The following BCAS3 variants were observed in gnomAD, a reference collection of about 807,000 sequenced individuals.
BCAS3 encodes the protein BCAS3 microtubule associated cell migration factor.
A neutral mutation model predicts 116.1 loss-of-function variants in BCAS3; 53 were observed. The ratio of observed to expected loss-of-function variants is 0.46; its 90% CI spans 0.37 to 0.57. BCAS3 has a LOEUF of 0.57. BCAS3 is among the 20% of genes least tolerant of loss of function. BCAS3 has a pLI of 0.00. For synonymous variants in BCAS3, 391 were observed against 408.2 expected (o/e 0.96, Z 0.51); for missense variants, 917 against 1,165.4 (o/e 0.79, Z 3.10).
At chr17:60,721,473 A>G (rs1598292906) in intron 5 of BCAS3, among the ~76,000 whole-genome samples, 1 of 152,348 alleles carries the variant, frequency 6.6e-6, no homozygotes, top group South Asian at 2.1e-4. Context: ...GTATCACTCC[A>G]GAGAACTCTT....
chr17:61,328,842 C>G (rs2055951825), intron 22 of BCAS3, among the ~76,000 whole-genome samples: 1 of 151,790 alleles, frequency 6.6e-6, no homozygotes. Flanking sequence ...TTACAGGTAG[C>G]CATCGTCTTT....
chr17:60,857,100 T>C (rs1368545322), intron 7 of BCAS3, among the ~76,000 whole-genome samples: 1 of 152,192 alleles, frequency 6.6e-6, no homozygotes, highest in African/African-American at 2.4e-5. Flanking sequence ...ACAAGTTACT[T>C]ACATAAAGAA....
chr17:61,100,928 G>C (rs549705395), intron 22 of BCAS3, among the ~76,000 whole-genome samples: 1 of 152,072 alleles, frequency 6.6e-6, no homozygotes, highest in Non-Finnish European at 1.5e-5. Context: ...CTTGTCTACT[G>C]TCACAGAGCT....
rs550901945 is a variant in BCAS3 at position 61,045,308 on chromosome 17, A to G, written c.2029+4416A>G. ...AAGATTGTTTGTGGCCAGAAGTTCA[A>G]GACCATCCTGGGCAACATAGAGAGA... On this transcript the variant is annotated intron_variant, in intron 19 of 23. Coordinates refer to ENST00000407086, the MANE Select transcript of BCAS3 (RefSeq NM_017679.5). Among the ~76,000 whole-genome samples the G allele has an allele frequency of 8.6e-5, 13 of 151,692 alleles. No homozygotes were observed. The South Asian group carries it at 2.5e-3, about 29-fold the overall frequency.
chr17:60,743,496 T>G (rs2041772460), intron 5 of BCAS3, among the ~76,000 whole-genome samples: 1 of 150,616 alleles, frequency 6.6e-6, no homozygotes, highest in Non-Finnish European at 1.5e-5. Context: ...TTGTTACCTC[T>G]TGATAAAGTT....
intron 10 of BCAS3, among the ~76,000 whole-genome samples, chr17:60,899,558 C>T (rs947225718): frequency 1.3e-5 from 2 of 152,004 alleles, no homozygotes; most frequent in Non-Finnish European, 2.9e-5. Flanking sequence ...AGTGCAGTGG[C>T]GCAATCTTGG....
At chr17:60,823,833 G>C (rs2050160203) in intron 7 of BCAS3, among the ~76,000 whole-genome samples, 1 of 152,092 alleles carries the variant, frequency 6.6e-6, no homozygotes, top group Non-Finnish European at 1.5e-5. Flanking sequence ...TTTTCACACA[G>C]AGATTTTTCT....
rs1176476320 is a variant in BCAS3, at chr17:61,279,360, G to T, written c.2426-88967G>T. ...CACACCTAATAGAACAGAAGCTCTC[G>T]CTTCTTTCTTCTCTTTCCATCAGTC... On this transcript the variant is annotated intron_variant, in intron 22 of 23. Transcript: ENST00000407086. The surrounding 1 kb of genome is among the most constrained non-coding windows in gnomAD (Gnocchi z 4.4). 6.6e-6 allele frequency among the ~76,000 whole-genome samples: 1 copy of T among 151,790 alleles called. No individual in the cohort carries two copies. The highest frequency in any genetic ancestry group is 1.5e-5 in the Non-Finnish European group (1 of 67,976).
At chr17:61,055,616 A>G (rs944857978) in intron 19 of BCAS3, among the ~76,000 whole-genome samples, 6 of 152,206 alleles carry the variant, frequency 3.9e-5, no homozygotes, top group African/African-American at 1.4e-4. Flanking sequence ...CAGACACATG[A>G]AACAATGGGA....
At chr17:60,731,348 G>T (rs1026937737) in intron 5 of BCAS3, among the ~76,000 whole-genome samples, 6 of 152,200 alleles carry the variant, frequency 3.9e-5, no homozygotes, top group African/African-American at 1.2e-4. Flanking sequence ...AAGTAGCTGG[G>T]ATTACAGGCG....
chr17:60,727,174 G>C, intron 5 of BCAS3: 2 of 768,326 alleles, frequency 2.6e-6, no homozygotes, highest in Non-Finnish European at 4.2e-6. Context: ...TTTAGAACTG[G>C]ATCTCTTGGC....
chr17:60,689,783 G>T, intron 4 of BCAS3, 22 bp downstream of exon 4: 1 of 1,519,240 alleles, frequency 6.6e-7, no homozygotes, highest in South Asian at 1.1e-5. Context: ...ACTTTTTTTG[G>T]GACGTGTGAA....
rs184793027 is a variant in BCAS3 at position 60,810,859 on chromosome 17, G to A, written c.476+2783G>A. 6.8e-5 allele frequency: 48 copies of A among 703,764 alleles called. No individual in the cohort carries two copies. The African/African-American group carries it at 7.1e-4, about 10-fold the overall frequency. The allele number at this position is 703,764 out of a possible 1,614,324, so 43.6% of individuals were successfully genotyped here. A position where few individuals can be genotyped will look rare whatever the true frequency, so the allele number is the denominator to read the frequency against. On this transcript the variant is annotated intron_variant, in intron 7 of 23. Coordinates refer to ENST00000407086, the MANE Select transcript of BCAS3 (RefSeq NM_017679.5). Reference sequence around the variant, plus strand: ...CCTACAAGCCCAGACTGCCAGCTCTGGGTTGACCATGGAGGTAGATGCCCC... The same window carrying A: ...CCTACAAGCCCAGACTGCCAGCTCTAGGTTGACCATGGAGGTAGATGCCCC...
chr17:61,236,764 TA>T (rs146982159), intron 22 of BCAS3, among the ~76,000 whole-genome samples: 346 of 142,220 alleles, frequency 2.4e-3, no homozygotes, highest in Middle Eastern at 3.7e-3. Context: ...ATGGAGAAGG[TA>T]AAAAAAAAAA....
rs577876140 is a variant in BCAS3 at position 61,261,991 on chromosome 17, G to C, written c.2426-106336G>C. ...TGTCCACGAATACCGTTTCTATTCA[G>C]TGTTATACTAGAAGTACTACCCAGA... On this transcript the variant is annotated intron_variant, in intron 22 of 23. Coordinates refer to ENST00000407086, the MANE Select transcript of BCAS3 (RefSeq NM_017679.5). The surrounding 1 kb of genome is among the most constrained non-coding windows in gnomAD (Gnocchi z 4.4). Among the ~76,000 whole-genome samples the C allele has an allele frequency of 6.6e-6, 1 of 152,272 alleles. No individual in the cohort carries two copies. Among genetic ancestry groups the C allele is most frequent in the South Asian group, 2.1e-4 (1 of 4,828 alleles).
intron 7 of BCAS3, among the ~76,000 whole-genome samples, chr17:60,834,385 G>T (rs549400479): frequency 8.3e-4 from 126 of 151,996 alleles, no homozygotes; most frequent in Non-Finnish European, 1.6e-3. Context: ...ATAACAGGTT[G>T]TTCCTTGATT....
chr17:60,696,711 C>G (rs553925891), intron 4 of BCAS3: 1 of 152,344 alleles, frequency 6.6e-6, no homozygotes, highest in South Asian at 2.1e-4. Context: ...ACAGATGCCT[C>G]AAACTCTGAT....
At chr17:60,931,965 TG>T (rs985223957) in intron 13 of BCAS3, among the ~76,000 whole-genome samples, 9 of 152,070 alleles carry the variant, frequency 5.9e-5, no homozygotes, top group South Asian at 2.1e-4. Flanking sequence ...TCTAGCTACT[TG>T]GGAGGCTGAG....
intron 22 of BCAS3, among the ~76,000 whole-genome samples, chr17:61,255,009 C>T (rs2048681696): frequency 6.6e-6 from 1 of 152,224 alleles, no homozygotes; most frequent in East Asian, 1.9e-4. Flanking sequence ...TGTCATCCTA[C>T]TTTCTTTTTC....
Sources: gnomAD v4.1 joint callset for allele counts (sites outside exome capture counted in the v4.1 genomes callset) on GRCh38, gnomAD v4.1.1 for gene constraint, Gnocchi (gnomAD v3.1) non-coding constraint, MANE v1.5 for transcripts, NCBI Gene and HGNC (gene_info 2026-07-23, HGNC 2026-07-21) for gene names.